Variants in FER observed in about 807,000 individuals in gnomAD.
FER encodes tyrosine-protein kinase Fer.
FER carries 63 observed loss-of-function variants against 111.0 expected under a neutral mutation model. That is an observed-to-expected ratio of 0.57 (90% confidence interval 0.46 to 0.70). FER has a LOEUF of 0.70. Among genes scored for constraint, FER ranks in the 30% least tolerant of loss-of-function variants. FER has a pLI of 0.00. For synonymous variants in FER, 327 were observed against 313.9 expected, an observed-to-expected ratio of 1.04 and a Z score of -0.44; for missense variants, 914 against 954.0, an observed-to-expected ratio of 0.96 and a Z score of 0.55.
intron 17 of FER, among the ~76,000 whole-genome samples, chr5:109,144,981 C>T (rs998868176): frequency 2.6e-5 from 4 of 151,208 alleles, no homozygotes; most frequent in Non-Finnish European, 5.9e-5. Flanking sequence ...AATCTCCTTT[C>T]TCTGTTTTTC....
At chr5:109,110,414 GGCAATGA>G (rs1305262292) in intron 17 of FER, among the ~76,000 whole-genome samples, 2 of 152,008 alleles carry the variant, frequency 1.3e-5, no homozygotes, top group Non-Finnish European at 2.9e-5. Context: ...GAGCCTTCCT[GGCAATGA>G]GCATTGGAAC....
chr5:109,034,673 T>G (rs1478348885), intron 13 of FER, among the ~76,000 whole-genome samples: 9 of 152,226 alleles, frequency 5.9e-5, no homozygotes, highest in Admixed American at 1.3e-4. Context: ...TTTGTTTGGT[T>G]GTTTTTTCTT....
At chr5:109,151,581 A>T (rs1420306925) in intron 17 of FER, among the ~76,000 whole-genome samples, 1 of 152,120 alleles carries the variant, frequency 6.6e-6, no homozygotes, top group East Asian at 1.9e-4. Context: ...TTACTGGAGA[A>T]CTTGACTCCA....
At chr5:108,892,097 G>A (rs965429743) in intron 9 of FER, among the ~76,000 whole-genome samples, 21 of 152,178 alleles carry the variant, frequency 1.4e-4, no homozygotes, top group Admixed American at 5.9e-4. Context: ...CCAAGTCTTT[G>A]CTATTGTGAA....
intron 1 of FER, among the ~76,000 whole-genome samples, chr5:108,756,357 C>T (rs577264965): frequency 6.6e-6 from 1 of 151,972 alleles, no homozygotes; most frequent in South Asian, 2.1e-4. Context: ...TCAGGTATCA[C>T]CTTTTTTCTT....
intron 5 of FER, among the ~76,000 whole-genome samples, chr5:108,863,077 G>A (rs1347990961): frequency 3.3e-5 from 5 of 152,160 alleles, no homozygotes; most frequent in Non-Finnish European, 7.4e-5. Context: ...ATCACTTTTA[G>A]ATGGAAGGCT....
intron 13 of FER, among the ~76,000 whole-genome samples, chr5:108,982,851 A>G (rs1205771571): frequency 2.0e-5 from 3 of 151,930 alleles, no homozygotes; most frequent in African/African-American, 7.2e-5. Context: ...TTTTGTAATT[A>G]TGCATTTATT....
At chr5:108,998,896 G>C (rs923070357) in intron 13 of FER, among the ~76,000 whole-genome samples, 3 of 151,872 alleles carry the variant, frequency 2.0e-5, no homozygotes, top group Non-Finnish European at 4.4e-5. Context: ...ATGTTAAAGT[G>C]ATTTATATAT....
intron 10 of FER, among the ~76,000 whole-genome samples, chr5:108,939,865 A>C (rs188322423): frequency 6.6e-6 from 1 of 152,160 alleles, no homozygotes; most frequent in African/African-American, 2.4e-5. Flanking sequence ...AGCTCTGATA[A>C]GAGTATTATT....
intron 16 of FER, among the ~76,000 whole-genome samples, chr5:109,070,945 A>G (rs1302847596): frequency 1.3e-5 from 2 of 151,978 alleles, no homozygotes; most frequent in Admixed American, 6.6e-5. Context: ...CTTTCAACCA[A>G]CAGGTACATA....
intron 2 of FER, among the ~76,000 whole-genome samples, chr5:108,796,812 A>T (rs1433721412): frequency 1.3e-5 from 2 of 152,052 alleles, no homozygotes; most frequent in Non-Finnish European, 2.9e-5. Flanking sequence ...AGTGCCACCT[A>T]AGAGGCAAGG....
chr5:108,876,392 G>T (rs933926074), intron 8 of FER, among the ~76,000 whole-genome samples: 3 of 152,128 alleles, frequency 2.0e-5, no homozygotes, highest in South Asian at 2.1e-4. Context: ...ACCATATGTG[G>T]CACACTCATT....
At chr5:109,002,003 C>T (rs534301166) in intron 13 of FER, among the ~76,000 whole-genome samples, 3 of 152,012 alleles carry the variant, frequency 2.0e-5, no homozygotes, top group East Asian at 3.9e-4. Flanking sequence ...ACATTCCATG[C>T]TCATGGGTAG....
chr5:109,074,480 C>T (rs1188618215), intron 16 of FER, among the ~76,000 whole-genome samples: 6 of 152,174 alleles, frequency 3.9e-5, no homozygotes, highest in South Asian at 2.1e-4. Context: ...CTACCACATT[C>T]GTAGTGACTA....
At chr5:109,050,600 T>C (rs1396119588) in intron 16 of FER, among the ~76,000 whole-genome samples, 1 of 152,120 alleles carries the variant, frequency 6.6e-6, no homozygotes, top group Non-Finnish European at 1.5e-5. Context: ...TGAATGTGAG[T>C]AGTAGCTGAG....
chr5:108,751,453 A>G (rs990571347), intron 1 of FER, among the ~76,000 whole-genome samples: 1 of 152,200 alleles, frequency 6.6e-6, no homozygotes, highest in African/African-American at 2.4e-5. Flanking sequence ...AATCAGACAA[A>G]AGGAAATCTG....
intron 3 of FER, among the ~76,000 whole-genome samples, chr5:108,800,198 C>T (rs1025984231): frequency 1.3e-5 from 2 of 152,140 alleles, no homozygotes; most frequent in Non-Finnish European, 2.9e-5. Flanking sequence ...TTAGTTACCA[C>T]TTATCTGCTT....
At chr5:109,104,356 G>A (rs1748620017) in intron 17 of FER, among the ~76,000 whole-genome samples, 1 of 152,196 alleles carries the variant, frequency 6.6e-6, no homozygotes, top group Admixed American at 6.5e-5. Flanking sequence ...CCCTCAGATG[G>A]ATAGAACAAA....
At chr5:108,847,919 C>G (rs1762174192) in intron 5 of FER, among the ~76,000 whole-genome samples, 1 of 152,074 alleles carries the variant, frequency 6.6e-6, no homozygotes, top group African/African-American at 2.4e-5. Context: ...GGGTCTCACT[C>G]TGTTGCTCAG....
Sources: allele counts gnomAD v4.1 joint callset (sites outside exome capture counted in the v4.1 genomes callset), GRCh38; gene constraint gnomAD v4.1.1; transcripts MANE v1.5; gene names NCBI Gene and HGNC (gene_info 2026-07-23, HGNC 2026-07-21).